Variants in FBN1 observed in about 807,000 individuals in gnomAD.
The protein encoded by FBN1 is fibrillin-1.
FBN1 carries 29 observed loss-of-function variants against 365.1 expected under a neutral mutation model. The ratio of observed to expected loss-of-function variants is 0.08; its 90% CI spans 0.06 to 0.11. The LOEUF (loss-of-function observed/expected upper bound fraction) is 0.11. Ranked by LOEUF, FBN1 falls within the 10% of genes least tolerant of loss-of-function variation. FBN1 has a pLI of 1.00. For missense variants in FBN1, 2,476 were observed against 3,703.2 expected (o/e 0.67, Z 8.60); for synonymous variants, 1,210 against 1,270.5 (o/e 0.95, Z 1.01).
At chr15:48,629,965 C>T (rs1889953600) in intron 2 of FBN1, among the ~76,000 whole-genome samples, 1 of 152,200 alleles carries the variant, frequency 6.6e-6, no homozygotes, top group Admixed American at 6.5e-5. Flanking sequence ...AGTCCAATCC[C>T]AACATGTGTA....
At chr15:48,613,425 T>C (rs2044672279) in intron 2 of FBN1, among the ~76,000 whole-genome samples, 2 of 152,204 alleles carry the variant, frequency 1.3e-5, no homozygotes, top group African/African-American at 4.8e-5. Context: ...CTTACCAATA[T>C]GGTTAAGAAA....
intron 6 of FBN1, among the ~76,000 whole-genome samples, chr15:48,581,449 TC>T (rs1215975125): frequency 6.6e-6 from 1 of 152,140 alleles, no homozygotes; most frequent in Non-Finnish European, 1.5e-5. Flanking sequence ...CATTCACACA[TC>T]CGGATTATCC....
At position 48,548,582 on chromosome 15, in the gene FBN1, A is replaced by C. The variant is rs572503659; in HGVS notation, c.539-10774T>G. Among the ~76,000 whole-genome samples the C allele has an allele frequency of 5.9e-5, 9 of 152,322 alleles. 1 individual carries two copies. The highest frequency in any genetic ancestry group is 2.2e-4 in the African/African-American group (9 of 41,574). On this transcript the variant is annotated intron_variant, in intron 6 of 65. Coordinates refer to ENST00000316623, the MANE Select transcript of FBN1 (RefSeq NM_000138.5). ...CAACTACTAAATCATGTACTGTCTGAACACTGACAGGGCACTGTGTTACTC... is the reference window on the plus strand; with the variant it reads ...CAACTACTAAATCATGTACTGTCTGCACACTGACAGGGCACTGTGTTACTC...
chr15:48,632,758 A>C (rs1392573683), intron 2 of FBN1, among the ~76,000 whole-genome samples: 1 of 152,330 alleles, frequency 6.6e-6, no homozygotes, highest in African/African-American at 2.4e-5. Context: ...TACCCCAGCC[A>C]CTAGCTCTGG....
Position 48,411,373 on chromosome 15 carries a change from A to G in FBN1, c.8233T>C (p.Ser2745Pro). 6.2e-7 allele frequency: 1 copy of G among 1,613,944 alleles called. No homozygotes were observed. Residue 2745 changes from serine (S) to proline (P), a missense_variant, in exon 66 of 66, where the codon TCT (serine) becomes CCT (proline). This residue lies in a region of FBN1 where 177 missense variants were observed against 192.7 expected (regional missense o/e 0.92). Transcript: ENST00000316623. ...AGACTCACATTGGCTTCTGTCTCAGACTGATCCTGGAAAGACACATGGCAA... is the reference window on the plus strand; with the variant it reads ...AGACTCACATTGGCTTCTGTCTCAGGCTGATCCTGGAAAGACACATGGCAA... ...ETDASNIEDQ[S>P]ETEANVSLAS...
chr15:48,509,285 T>A (rs1393788298), intron 14 of FBN1, among the ~76,000 whole-genome samples: 1 of 151,818 alleles, frequency 6.6e-6, no homozygotes, highest in Non-Finnish European at 1.5e-5. Flanking sequence ...CCTTAAACAT[T>A]GGGGATGGTT....
chr15:48,538,313 T>C lies in FBN1; in HGVS notation c.539-505A>G, dbSNP rs150336267. ...GAGGCAAGTCATGGCACCTTCTTCC[T>C]GGGAGTTCCTTCAATAAAAGAAATG... On this transcript the variant is annotated intron_variant, in intron 6 of 65. Coordinates refer to ENST00000316623, the MANE Select transcript of FBN1 (RefSeq NM_000138.5). 1.2e-3 allele frequency among the ~76,000 whole-genome samples: 176 copies of C among 152,344 alleles called. 1 individual carries two copies. Among genetic ancestry groups the C allele is most frequent in the African/African-American group, 4.0e-3 (168 of 41,572 alleles).
chr15:48,609,168 G>A lies in FBN1; in HGVS notation c.346+1560C>T, dbSNP rs138410650. ...TGCTGCCAGCTGGCTTCTCTGCCTCGTTCTATTCCTCCAGTTCAGGGGCTC... is the reference window on the plus strand; with the variant it reads ...TGCTGCCAGCTGGCTTCTCTGCCTCATTCTATTCCTCCAGTTCAGGGGCTC... On this transcript the variant is annotated intron_variant, in intron 4 of 65. Coordinates refer to ENST00000316623, the MANE Select transcript of FBN1 (RefSeq NM_000138.5). Among the ~76,000 whole-genome samples, 32 of 152,260 alleles carry A rather than the reference G, an allele frequency of 2.1e-4. No homozygotes were observed. In the East Asian group the frequency reaches 5.2e-3, roughly 25 times the overall value.
Position 48,557,479 on chromosome 15 carries a change from G to A in FBN1, c.539-19671C>T, listed in dbSNP as rs187058598. Among the ~76,000 whole-genome samples, 104 of 152,288 alleles carry A rather than the reference G, an allele frequency of 6.8e-4. No individual in the cohort carries two copies. In the Middle Eastern group the frequency reaches 0.024, roughly 35 times the overall value. On this transcript the variant is annotated intron_variant, in intron 6 of 65. Coordinates refer to ENST00000316623, the MANE Select transcript of FBN1 (RefSeq NM_000138.5). ...AGAGTCCTTTTTCACCTTGGAACACGCTGAGGATGGCGTCAAGAAAGCCAG... is the reference window on the plus strand; with the variant it reads ...AGAGTCCTTTTTCACCTTGGAACACACTGAGGATGGCGTCAAGAAAGCCAG...
intron 6 of FBN1, among the ~76,000 whole-genome samples, chr15:48,592,952 C>A (rs1242189691): frequency 6.6e-6 from 1 of 152,096 alleles, no homozygotes; most frequent in East Asian, 1.9e-4. Flanking sequence ...ATGGTAGTGG[C>A]AATGGTAAAA....
At chr15:48,428,086 C>A in intron 57 of FBN1, 1 of 632,696 alleles carries the variant, frequency 1.6e-6, no homozygotes, top group Non-Finnish European at 2.8e-6. Context: ...GAAGTGGATC[C>A]TGATCACCAA....
At chr15:48,545,442 G>A (rs1280313183) in intron 6 of FBN1, among the ~76,000 whole-genome samples, 1 of 152,086 alleles carries the variant, frequency 6.6e-6, no homozygotes, top group Non-Finnish European at 1.5e-5. Context: ...GCATATGTTG[G>A]TAAAGAGGCA....
Position 48,496,314 on chromosome 15 carries a change from T to G in FBN1, c.2294-89A>C, listed in dbSNP as rs2043608575. The stretch of plus-strand genomic sequence containing the variant: ...CTTTTACATTAGATCTTTAAAGTCA[T>G]AACGACGTGATCAATTCAAGCAAAA... On this transcript the variant is annotated intron_variant, in intron 19 of 65. Coordinates refer to ENST00000316623, the MANE Select transcript of FBN1 (RefSeq NM_000138.5). The G allele has an allele frequency of 5.8e-6, 9 of 1,542,386 alleles. No individual in the cohort carries two copies. In the South Asian group the frequency reaches 1.0e-4, roughly 17 times the overall value.
intron 32 of FBN1, among the ~76,000 whole-genome samples, chr15:48,476,140 A>G (rs2043416588): frequency 1.3e-5 from 2 of 152,212 alleles, no homozygotes; most frequent in Non-Finnish European, 2.9e-5. Flanking sequence ...AGTGCTAAGT[A>G]GGCACAGGAA....
chr15:48,471,243 C>T (rs949786509), intron 35 of FBN1, among the ~76,000 whole-genome samples: 6 of 152,108 alleles, frequency 3.9e-5, no homozygotes, highest in African/African-American at 1.2e-4. Context: ...ATTGGAAAAC[C>T]GCACACGCTT....
chr15:48,517,297 T>C (rs1474599211), intron 10 of FBN1, among the ~76,000 whole-genome samples: 1 of 152,092 alleles, frequency 6.6e-6, no homozygotes, highest in African/African-American at 2.4e-5. Context: ...GCCATGGGGA[T>C]GGATGAGCTC....
rs1449848700 is a variant in FBN1 at position 48,408,458 on chromosome 15, T to C, written c.*2532A>G. On this transcript the variant is annotated 3_prime_UTR_variant, in exon 66 of 66. Coordinates refer to ENST00000316623, the MANE Select transcript of FBN1 (RefSeq NM_000138.5). ...ACAAAAATGTAGTTGTTTGTGCAAG[T>C]TTAAACATTTCACAAGGCCAGCTGA... 1.3e-5 allele frequency: 2 copies of C among 152,634 alleles called. No individual in the cohort carries two copies. Among genetic ancestry groups the C allele is most frequent in the South Asian group, 2.1e-4 (1 of 4,830 alleles). 9.5% of individuals were successfully genotyped at this position (152,634 alleles called of 1,614,324 possible). A position where few individuals can be genotyped will look rare whatever the true frequency, so the allele number is the denominator to read the frequency against.
intron 17 of FBN1, among the ~76,000 whole-genome samples, chr15:48,503,516 AG>A (rs2043680607): frequency 1.3e-5 from 2 of 152,236 alleles, no homozygotes; most frequent in Admixed American, 6.5e-5. Flanking sequence ...TTAGAAAACA[AG>A]GCAAGGTGCA....
chr15:48,597,504 C>G (rs1009119525), intron 5 of FBN1, among the ~76,000 whole-genome samples: 2 of 152,160 alleles, frequency 1.3e-5, no homozygotes, highest in Admixed American at 6.5e-5. Flanking sequence ...ATTGTCCTTC[C>G]TTCCCTCCCT....
Sources: gnomAD v4.1 joint callset for allele counts (sites outside exome capture counted in the v4.1 genomes callset) on GRCh38, gnomAD v4.1.1 for gene constraint, gnomAD v4.1.1 regional missense constraint, MANE v1.5 for transcripts, NCBI Gene and HGNC (gene_info 2026-07-23, HGNC 2026-07-21) for gene names.